Variants in GLIS3 observed in about 807,000 individuals in gnomAD.
The protein encoded by GLIS3 is GLIS family zinc finger 3, also known as zinc finger protein GLIS3.
Under a neutral mutation model 78.6 loss-of-function variants are expected in GLIS3, and 53 were observed. The ratio of observed to expected loss-of-function variants is 0.67; its 90% CI spans 0.54 to 0.85. GLIS3 has a LOEUF of 0.85. Among genes scored for constraint, GLIS3 ranks in the 40% least tolerant of loss-of-function variants. The pLI is 0.00. For missense variants in GLIS3, 1,703 were observed against 1,231.1 expected (o/e 1.38, Z -5.74); for synonymous variants, 684 against 509.9 (o/e 1.34, Z -4.60).
chr9:4,254,960 G>A (rs1457020026), intron 2 of GLIS3, among the ~76,000 whole-genome samples: 1 of 152,084 alleles, frequency 6.6e-6, no homozygotes, highest in Non-Finnish European at 1.5e-5. Flanking sequence ...TTAAAGGACT[G>A]TTTATTTGTA....
chr9:4,437,943 G>A, the GLIS3 span, among the ~76,000 whole-genome samples: 2 of 152,136 alleles, frequency 1.3e-5, no homozygotes, highest in Non-Finnish European at 2.9e-5. Context: ...GACTGTTTAT[G>A]TTACTAACAA....
rs59923144 is a variant in GLIS3 at position 3,860,272 on chromosome 9, C to CAAAA, written c.2298-4092_2298-4089dup. ...CCTGGGTGACAGAGCAAGACTCTGT[C>CAAAA]AAAAAAAAAAAAAAAAAAAAAAAAA... On this transcript the variant is annotated intron_variant, in intron 8 of 10. Transcript: ENST00000381971. 1.5e-3 allele frequency among the ~76,000 whole-genome samples: 82 copies of CAAAA among 53,600 alleles called. 4 individuals carry two copies. The highest frequency in any genetic ancestry group is 6.8e-3 in the South Asian group (6 of 884). The allele number at this position is 53,600 out of a possible 152,430, so 35.2% of individuals were successfully genotyped here.
the GLIS3 span, among the ~76,000 whole-genome samples, chr9:4,370,906 G>C: frequency 2.6e-4 from 39 of 151,990 alleles, no homozygotes; most frequent in African/African-American, 8.9e-4. Flanking sequence ...GAAGGCAAAA[G>C]ATATCATAAC....
intron 4 of GLIS3, among the ~76,000 whole-genome samples, chr9:4,027,423 C>A (rs917933915): frequency 1.3e-5 from 2 of 152,186 alleles, no homozygotes; most frequent in Admixed American, 6.5e-5. Flanking sequence ...AAAGGACAAT[C>A]AGTTCATTTG....
chr9:4,065,440 T>C (rs1214168234), intron 4 of GLIS3, among the ~76,000 whole-genome samples: 1 of 152,246 alleles, frequency 6.6e-6, no homozygotes, highest in Non-Finnish European at 1.5e-5. Flanking sequence ...ACTAACGCTG[T>C]AAAACAGCCA....
chr9:3,938,173 A>T (rs1321174899), intron 4 of GLIS3, among the ~76,000 whole-genome samples: 1 of 152,228 alleles, frequency 6.6e-6, no homozygotes, highest in African/African-American at 2.4e-5. Context: ...CCCCCAGAAT[A>T]GTTATGTTAC....
chr9:4,211,340 C>A (rs1190014660), intron 2 of GLIS3, among the ~76,000 whole-genome samples: 1 of 152,216 alleles, frequency 6.6e-6, no homozygotes, highest in African/African-American at 2.4e-5. Context: ...GGTTTTCCAG[C>A]AGGCTCCTAA....
upstream of GLIS3, among the ~76,000 whole-genome samples, chr9:4,301,629 G>A (rs1314107098): frequency 6.6e-6 from 1 of 152,196 alleles, no homozygotes; most frequent in Non-Finnish European, 1.5e-5. Context: ...AGCAAGACAA[G>A]CCTGGGTGGA....
chr9:4,266,941 G>A (rs1423245502), intron 2 of GLIS3, among the ~76,000 whole-genome samples: 1 of 152,118 alleles, frequency 6.6e-6, no homozygotes, highest in African/African-American at 2.4e-5. Context: ...TTACAGACCT[G>A]CTGATAAGTG....
the GLIS3 span, among the ~76,000 whole-genome samples, chr9:4,445,514 G>T: frequency 1.3e-5 from 2 of 152,138 alleles, no homozygotes; most frequent in Non-Finnish European, 2.9e-5. Context: ...CATGCCTGTA[G>T]TCCCAGCTAC....
the GLIS3 span, among the ~76,000 whole-genome samples, chr9:4,355,137 A>G: frequency 6.8e-6 from 1 of 146,926 alleles, no homozygotes; most frequent in African/African-American, 2.7e-5. Flanking sequence ...ATCTCGAAAA[A>G]AAAAAGAAAA....
At chr9:3,895,151 A>G (rs1344884159) in intron 7 of GLIS3, among the ~76,000 whole-genome samples, 1 of 152,220 alleles carries the variant, frequency 6.6e-6, no homozygotes, top group Non-Finnish European at 1.5e-5. Flanking sequence ...ATGGGCTTCT[A>G]TATATCATTA....
chr9:4,481,022 T>G, the GLIS3 span, among the ~76,000 whole-genome samples: 1 of 152,006 alleles, frequency 6.6e-6, no homozygotes, highest in South Asian at 2.1e-4. Flanking sequence ...ACCTGGCTAA[T>G]TTTTTGTATT....
intron 6 of GLIS3, among the ~76,000 whole-genome samples, chr9:3,916,385 G>A (rs1563846403): frequency 6.6e-6 from 1 of 152,224 alleles, no homozygotes; most frequent in Non-Finnish European, 1.5e-5. Flanking sequence ...AGCCTGAAAT[G>A]ATGTAACAAT....
the GLIS3 span, among the ~76,000 whole-genome samples, chr9:4,394,710 A>C: frequency 6.6e-6 from 1 of 152,226 alleles, no homozygotes; most frequent in African/African-American, 2.4e-5. Context: ...CTAATTTTGC[A>C]CATCTGACTC....
the GLIS3 span, among the ~76,000 whole-genome samples, chr9:4,440,427 T>C: frequency 6.6e-6 from 1 of 152,254 alleles, no homozygotes; most frequent in Admixed American, 6.5e-5. Context: ...ACACAATTTA[T>C]GGAAAAGACT....
chr9:4,297,085 G>A (rs1416119772), intron 1 of GLIS3, among the ~76,000 whole-genome samples: 1 of 151,564 alleles, frequency 6.6e-6, no homozygotes, highest in Admixed American at 6.6e-5. Context: ...AGAAGAAGTA[G>A]GAAGGTTTAA....
the GLIS3 span, among the ~76,000 whole-genome samples, chr9:4,416,258 A>ATTT: frequency 1.4e-5 from 2 of 146,428 alleles, no homozygotes; most frequent in African/African-American, 5.0e-5. Context: ...TTTTTAAAAA[A>ATTT]AAAAAAAAAA....
intron 2 of GLIS3, among the ~76,000 whole-genome samples, chr9:4,139,058 C>G (rs779788897): frequency 1.3e-5 from 2 of 152,138 alleles, no homozygotes; most frequent in Non-Finnish European, 2.9e-5. Context: ...CTGGGAAGAG[C>G]AAACGGAGCA....
Sources: allele counts gnomAD v4.1 joint callset (sites outside exome capture counted in the v4.1 genomes callset), GRCh38; gene constraint gnomAD v4.1.1; transcripts MANE v1.5; gene names NCBI Gene and HGNC (gene_info 2026-07-23, HGNC 2026-07-21).